PNPLA7: variants seen among roughly 807,000 people sequenced by gnomAD.
The protein encoded by PNPLA7 is patatin-like phospholipase domain-containing protein 7.
A neutral mutation model predicts 161.7 loss-of-function variants in PNPLA7; 153 were observed. That is an observed-to-expected ratio of 0.95 (90% CI 0.83 to 1.08). The LOEUF is 1.08. PNPLA7 is among the 50% of genes least tolerant of loss of function. The pLI is 0.00. For missense variants in PNPLA7, 1,739 were observed against 1,856.6 expected (o/e 0.94, Z 1.16); for synonymous variants, 809 against 782.1 (o/e 1.03, Z -0.57).
At chr9:137,493,539 C>A (rs1179031063) in intron 19 of PNPLA7, among the ~76,000 whole-genome samples, 1 of 152,266 alleles carries the variant, frequency 6.6e-6, no homozygotes, top group Admixed American at 6.5e-5. Flanking sequence ...TTTGTCCTGA[C>A]TGGACCAAAC....
At chr9:137,533,886 T>TCCC (rs1308234765) in intron 8 of PNPLA7, among the ~76,000 whole-genome samples, 1 of 136,958 alleles carries the variant, frequency 7.3e-6, no homozygotes, top group Non-Finnish European at 1.6e-5. Flanking sequence ...CCCAGACTCC[T>TCCC]CAGTGAGTGT....
intron 14 of PNPLA7, among the ~76,000 whole-genome samples, chr9:137,504,080 AAGAAGG>A (rs1288298691): frequency 4.1e-5 from 6 of 147,574 alleles, no homozygotes; most frequent in African/African-American, 1.6e-4. Context: ...AAGGAAGAAG[AAGAAGG>A]AAGAAGAAGG....
intron 8 of PNPLA7, among the ~76,000 whole-genome samples, chr9:137,525,587 G>A (rs988653554): frequency 1.3e-5 from 2 of 152,066 alleles, no homozygotes; most frequent in African/African-American, 2.4e-5. Flanking sequence ...TGTATTTCTC[G>A]GAGAGATCAA....
rs762396194 is a variant in PNPLA7 at position 137,505,682 on chromosome 9, C to T, written c.1405G>A (p.Ala469Thr). The T allele has an allele frequency of 1.9e-6, 3 of 1,614,012 alleles. No individual in the cohort carries two copies. Among genetic ancestry groups the T allele is most frequent in the Non-Finnish European group, 2.5e-6 (3 of 1,180,032 alleles). ...AAGATGGCATCCGACTTCCTGCTGG[C>T]CAGGGTCTCATCCGTGTGACTCTCT... is the stretch of plus-strand genomic sequence containing the variant. ...HSESHTDETLASRKSDAIFRA... is the reference protein window; with the variant it reads ...HSESHTDETLTSRKSDAIFRA... The change falls in exon 14 of 35, where the codon GCC (alanine) becomes ACC (threonine). Residue 469 changes from alanine (A) to threonine (T), a missense_variant. Around this residue, in one of 6 missense-constraint regions of PNPLA7, gnomAD observed 481 missense variants for 450.0 expected, o/e 1.07. Transcript: ENST00000406427.
chr9:137,488,274 T>C (rs1344141671), intron 20 of PNPLA7, among the ~76,000 whole-genome samples: 4 of 152,246 alleles, frequency 2.6e-5, no homozygotes, highest in Non-Finnish European at 5.9e-5. Flanking sequence ...TGTGGATTTA[T>C]TTTTATTTTT....
At chr9:137,484,476 AGCCCTGCCCACCCACCGCC>A in intron 21 of PNPLA7, 92 bp downstream of exon 21, 1 of 1,243,312 alleles carries the variant, frequency 8.0e-7, no homozygotes, top group Admixed American at 3.0e-5. Context: ...ACCCCAACTG[AGCCCTGCCCACCCACCGCC>A]GCGTCCCCTC....
chr9:137,488,270 T>C (rs1223978784), intron 20 of PNPLA7, among the ~76,000 whole-genome samples: 2 of 152,224 alleles, frequency 1.3e-5, no homozygotes, highest in Admixed American at 6.5e-5. Context: ...CTGATGTGGA[T>C]TTATTTTTAT....
In PNPLA7 at chr9:137,499,475, T is replaced by C. The variant is rs78738749; in HGVS notation, c.1757+1216A>G. On this transcript the variant is annotated intron_variant, in intron 16 of 34. Coordinates refer to ENST00000406427, the MANE Select transcript of PNPLA7 (RefSeq NM_001098537.3). This position sits in a 1 kb window ranked among gnomAD's most constrained non-coding sequence, Gnocchi z 5.5. ...TCCGTCCTGATCTCCCTGGCACTGATGTGGAGCAGCTGGGGATGCTCAGGA... is the reference window on the plus strand; with the variant it reads ...TCCGTCCTGATCTCCCTGGCACTGACGTGGAGCAGCTGGGGATGCTCAGGA... Among the ~76,000 whole-genome samples, 3,374 of 152,302 alleles carry C rather than the reference T, an allele frequency of 0.022. 131 individuals are homozygous for C. Among genetic ancestry groups the C allele is most frequent in the African/African-American group, 0.076 (3,159 of 41,556 alleles).
intron 20 of PNPLA7, chr9:137,492,236 T>G (rs994836404): frequency 1.0e-6 from 1 of 985,120 alleles, no homozygotes; most frequent in Non-Finnish European, 1.2e-6. Context: ...ATGGTCTCAT[T>G]ATCTTTCCAT....
rs1208185976 is a variant in PNPLA7 at position 137,523,846 on chromosome 9, G to A, written c.748-989C>T. Among the ~76,000 whole-genome samples, 1 of 152,056 alleles carries A rather than the reference G, an allele frequency of 6.6e-6. No individual in the cohort carries two copies. The highest frequency in any genetic ancestry group is 1.5e-5 in the Non-Finnish European group (1 of 68,018). ...AGGGTTTCACTGTGTTAGCCAGGAG[G>A]GTCTCGATCTCCTGACCTCGTGATC... is the stretch of plus-strand genomic sequence containing the variant. On this transcript the variant is annotated intron_variant, in intron 8 of 34. Coordinates refer to ENST00000406427, the MANE Select transcript of PNPLA7 (RefSeq NM_001098537.3). The surrounding 1 kb of genome is among the most constrained non-coding windows in gnomAD (Gnocchi z 4.4).
intron 8 of PNPLA7, among the ~76,000 whole-genome samples, chr9:137,533,166 T>C (rs1384869935): frequency 6.9e-6 from 1 of 145,122 alleles, no homozygotes; most frequent in African/African-American, 2.6e-5. Flanking sequence ...ACTCCCAGAA[T>C]TCTCCACAAC....
At position 137,462,804 on chromosome 9, in the gene PNPLA7, C is replaced by T; in HGVS notation, c.3373G>A (p.Val1125Met). ...CTGCCCACGTCAATGGCGATCACCA[C>T]TTTTGCCCCCATGGACCGGGCCACA... ...ADVARSMGAK[V>M]VIAIDVGSRD... Residue 1125 changes from valine to methionine, a missense_variant, in exon 30 of 35, where the codon GTG becomes ATG. Physicochemically the swap from Val to Met is conservative, Grantham distance 21. This residue lies in a region of PNPLA7 where 703 missense variants were observed against 694.6 expected (regional missense o/e 1.01). Coordinates refer to ENST00000406427, the MANE Select transcript of PNPLA7 (RefSeq NM_001098537.3). 6.2e-7 allele frequency: 1 copy of T among 1,613,840 alleles called. No homozygotes were observed. The highest frequency in any genetic ancestry group is 8.5e-7 in the Non-Finnish European group (1 of 1,179,972).
chr9:137,478,079 A>T lies in PNPLA7; in HGVS notation c.2837T>A (p.Leu946Gln). 1 of 1,403,148 alleles carries T rather than the reference A, an allele frequency of 7.1e-7. No individual in the cohort carries two copies. Among genetic ancestry groups the T allele is most frequent in the Non-Finnish European group, 9.3e-7 (1 of 1,076,280 alleles). 86.9% of individuals were successfully genotyped at this position (1,403,148 alleles called of 1,614,324 possible). A position where few individuals can be genotyped will look rare whatever the true frequency, so the allele number is the denominator to read the frequency against. The part of the protein sequence containing the change: ...HSDFSRLARV[L>Q]TGNAIALVLG... ...CACCAGGGCAATGGCGTTGCCCGTC[A>T]GCACCCTCGCCAGGCGGGAGAAGTC... The change falls in exon 25 of 35, where the codon CTG (leucine) becomes CAG (glutamine). Residue 946 changes from leucine to glutamine, a missense_variant. This residue lies in a region of PNPLA7 where 703 missense variants were observed against 694.6 expected (regional missense o/e 1.01). Transcript: ENST00000406427.
At chr9:137,545,034 G>A (rs918261428) in intron 4 of PNPLA7, among the ~76,000 whole-genome samples, 4 of 152,154 alleles carry the variant, frequency 2.6e-5, no homozygotes, top group African/African-American at 9.7e-5. Context: ...ATCAGTCTGT[G>A]CGGTTTCTGT....
chr9:137,460,579 C>T (rs1588518852), intron 34 of PNPLA7, 55 bp downstream of exon 34: 1 of 1,595,084 alleles, frequency 6.3e-7, no homozygotes, highest in Non-Finnish European at 8.6e-7. Flanking sequence ...CGGCACAGGG[C>T]CAGGCACCAA....
intron 20 of PNPLA7, chr9:137,491,700 G>C: frequency 2.0e-6 from 2 of 985,458 alleles, no homozygotes; most frequent in Non-Finnish European, 2.4e-6. Flanking sequence ...ACACTTCGCT[G>C]CCTCTGTGTG....
chr9:137,505,436 T>C (rs941370236), intron 14 of PNPLA7, among the ~76,000 whole-genome samples, 178 bp downstream of exon 14: 2 of 152,212 alleles, frequency 1.3e-5, no homozygotes, highest in African/African-American at 4.8e-5. Context: ...CATAAGGCGA[T>C]CTCAAGCTGC....
intron 22 of PNPLA7, 34 bp downstream of exon 22, chr9:137,480,926 C>A (rs1832187333): frequency 6.5e-7 from 1 of 1,549,660 alleles, no homozygotes; most frequent in African/African-American, 1.4e-5. Flanking sequence ...GTTGGGCCGG[C>A]TGGGAGGAAG....
rs28577051 is a variant in PNPLA7, at chr9:137,467,915, A to T, written c.2883-442T>A. 0.066 allele frequency among the ~76,000 whole-genome samples: 10,082 copies of T among 152,104 alleles called. 576 individuals carry two copies. Among genetic ancestry groups the T allele is most frequent in the African/African-American group, 0.16 (6,600 of 41,440 alleles). ...TCTGACTCAAAATAAATAAATAAAT[A>T]AATTAATTAAATAAATGAAATCCTT... is the stretch of plus-strand genomic sequence containing the variant. On this transcript the variant is annotated intron_variant, in intron 25 of 34. Coordinates refer to ENST00000406427, the MANE Select transcript of PNPLA7 (RefSeq NM_001098537.3). This position sits in a 1 kb window ranked among gnomAD's most constrained non-coding sequence, Gnocchi z 5.1.
Sources: allele counts gnomAD v4.1 joint callset (sites outside exome capture counted in the v4.1 genomes callset), GRCh38; gene constraint gnomAD v4.1.1; regional missense constraint gnomAD v4.1.1; non-coding constraint Gnocchi (gnomAD v3.1); transcripts MANE v1.5; gene names NCBI Gene and HGNC (gene_info 2026-07-23, HGNC 2026-07-21).